The following ANTXR1 variants were observed in gnomAD, a reference collection of about 807,000 sequenced individuals.
ANTXR1 encodes the protein ANTXR cell adhesion molecule 1.
Under a neutral mutation model 78.1 loss-of-function variants are expected in ANTXR1, and 19 were observed. That is an observed-to-expected ratio of 0.24 (90% CI 0.17 to 0.36). The LOEUF is 0.36. ANTXR1 is among the 10% of genes least tolerant of loss of function. The probability of loss-of-function intolerance (pLI) is 1.00; values close to 1 mark genes in which losing one functional copy is unlikely to be tolerated. For synonymous variants in ANTXR1, 273 were observed against 260.5 expected (o/e 1.05, Z -0.46); for missense variants, 518 against 718.6 (o/e 0.72, Z 3.19).
chr2:69,242,044 G>C (rs1050735427), intron 17 of ANTXR1, among the ~76,000 whole-genome samples: 1 of 152,286 alleles, frequency 6.6e-6, no homozygotes, highest in Non-Finnish European at 1.5e-5. Flanking sequence ...CAGCTCTAAA[G>C]GACCAGGTGG....
intron 17 of ANTXR1, among the ~76,000 whole-genome samples, chr2:69,198,131 G>C (rs1674704129): frequency 6.6e-6 from 1 of 152,050 alleles, no homozygotes; most frequent in Non-Finnish European, 1.5e-5. Flanking sequence ...TAGAATAAAA[G>C]GTCCAGCTTT....
At chr2:69,072,966 G>T in intron 5 of ANTXR1, 56 bp from the exon 6 acceptor site, 1 of 1,515,314 alleles carries the variant, frequency 6.6e-7, no homozygotes, top group Non-Finnish European at 9.2e-7. Context: ...GGACTGAGAG[G>T]GTGTTTCCTT....
In ANTXR1 at chr2:69,135,923, A is replaced by G. The variant is rs148770177; in HGVS notation, c.951+11280A>G. ...AGCGTAACATTCAAAATAGGGTCCA[A>G]AGTTTTTTGGTTGCGTACAATGAAG... On this transcript the variant is annotated intron_variant, in intron 12 of 17. Coordinates refer to ENST00000303714, the MANE Select transcript of ANTXR1 (RefSeq NM_032208.3). Among the ~76,000 whole-genome samples the G allele has an allele frequency of 9.4e-3, 1,436 of 152,290 alleles. 12 individuals are homozygous for G. The highest frequency in any genetic ancestry group is 0.015 in the Non-Finnish European group (1,029 of 67,978).
chr2:69,065,622 T>C (rs1296685301), intron 3 of ANTXR1, among the ~76,000 whole-genome samples: 2 of 152,182 alleles, frequency 1.3e-5, no homozygotes, highest in Non-Finnish European at 2.9e-5. Context: ...TGTGTATAAA[T>C]TGTATTTCAC....
In ANTXR1 at chr2:69,077,480, A is replaced by T; in HGVS notation, c.634A>T (p.Ile212Phe). 1 of 1,614,144 alleles carries T rather than the reference A, an allele frequency of 6.2e-7. No homozygotes were observed. The highest frequency in any genetic ancestry group is 8.5e-7 in the Non-Finnish European group (1 of 1,180,018). ...NDGFQALQGI[I>F]HSILKKSCIE... Reference sequence around the variant, plus strand: ...CGGCTTTCAGGCTCTGCAAGGCATCATCCACTCAGTAAGTAGAGCTCTTCC... The same window carrying T: ...CGGCTTTCAGGCTCTGCAAGGCATCTTCCACTCAGTAAGTAGAGCTCTTCC... The change falls in exon 8 of 18, where the codon ATC (isoleucine) becomes TTC (phenylalanine). Residue 212 changes from isoleucine to phenylalanine, a missense_variant. Around this residue, in one of 5 missense-constraint regions of ANTXR1, gnomAD observed 264 missense variants for 391.8 expected, o/e 0.67. Transcript: ENST00000303714.
At chr2:69,159,804 A>G (rs1673628987) in intron 13 of ANTXR1, among the ~76,000 whole-genome samples, 1 of 152,240 alleles carries the variant, frequency 6.6e-6, no homozygotes, top group Non-Finnish European at 1.5e-5. Context: ...CTTTTAATTC[A>G]TTTAATTGAA....
chr2:69,085,628 T>C (rs888121471), intron 8 of ANTXR1, among the ~76,000 whole-genome samples: 1 of 152,124 alleles, frequency 6.6e-6, no homozygotes, highest in Non-Finnish European at 1.5e-5. Context: ...AGGCTAGTCA[T>C]TGTGAATATA....
chr2:69,146,991 A>G (rs1009670481), intron 12 of ANTXR1, among the ~76,000 whole-genome samples: 1 of 152,220 alleles, frequency 6.6e-6, no homozygotes, highest in Non-Finnish European at 1.5e-5. Flanking sequence ...TCTTGGAAGC[A>G]GGTGGCAGTT....
chr2:69,044,169 C>T (rs57740430), intron 2 of ANTXR1, among the ~76,000 whole-genome samples: 8,807 of 152,090 alleles, frequency 0.058, 507 homozygotes, highest in East Asian at 0.23. Context: ...AGTATGACTA[C>T]CAAGTGGAAT....
At chr2:69,210,295 C>T (rs1022121238) in intron 17 of ANTXR1, among the ~76,000 whole-genome samples, 5 of 152,234 alleles carry the variant, frequency 3.3e-5, no homozygotes, top group Non-Finnish European at 7.3e-5. Context: ...CATTATTTAT[C>T]ACCCCTTTGT....
intron 3 of ANTXR1, among the ~76,000 whole-genome samples, chr2:69,045,878 G>A (rs955555154): frequency 6.6e-6 from 1 of 152,042 alleles, no homozygotes; most frequent in Non-Finnish European, 1.5e-5. Flanking sequence ...AGAAACTGAG[G>A]CCATGTCACC....
chr2:69,021,152 G>T (rs1272260217), intron 1 of ANTXR1, among the ~76,000 whole-genome samples: 1 of 152,148 alleles, frequency 6.6e-6, no homozygotes, highest in Non-Finnish European at 1.5e-5. Context: ...TTGCCTGTAT[G>T]ACCCTGTTTA....
intron 8 of ANTXR1, among the ~76,000 whole-genome samples, chr2:69,080,820 A>G (rs954781396): frequency 3.9e-5 from 6 of 152,248 alleles, no homozygotes; most frequent in Non-Finnish European, 8.8e-5. Context: ...GGGCATGGAT[A>G]GAATGTTCTT....
intron 16 of ANTXR1, among the ~76,000 whole-genome samples, chr2:69,185,551 GAAAA>G (rs75084788): frequency 2.2e-5 from 2 of 89,508 alleles, no homozygotes; most frequent in East Asian, 3.3e-4. Context: ...AATAAAAAAA[GAAAA>G]AAAAAAAAAA....
intron 1 of ANTXR1, among the ~76,000 whole-genome samples, chr2:69,033,678 TG>T (rs1212429693): frequency 6.6e-6 from 1 of 152,176 alleles, no homozygotes; most frequent in Admixed American, 6.5e-5. Context: ...TGACTTCAAC[TG>T]GGTGGGGCTA....
At chr2:69,043,536 G>T (rs554021684) in intron 2 of ANTXR1, among the ~76,000 whole-genome samples, 2 of 152,278 alleles carry the variant, frequency 1.3e-5, no homozygotes, top group South Asian at 4.1e-4. Context: ...ACTGAGATCT[G>T]TTTTAGGGAC....
At chr2:69,145,955 A>G in intron 12 of ANTXR1, 1 of 985,554 alleles carries the variant, frequency 1.0e-6, no homozygotes, top group Non-Finnish European at 1.2e-6. Flanking sequence ...ACCTTTGAGA[A>G]CAGTGCCTTC....
chr2:69,124,287 GC>G, intron 11 of ANTXR1, among the ~76,000 whole-genome samples: 4 of 152,308 alleles, frequency 2.6e-5, no homozygotes, highest in Admixed American at 2.6e-4. Flanking sequence ...CCCATTCAAT[GC>G]CACTCACTGC....
intron 1 of ANTXR1, among the ~76,000 whole-genome samples, chr2:69,021,719 G>C (rs1671196360): frequency 6.6e-6 from 1 of 152,188 alleles, no homozygotes; most frequent in Non-Finnish European, 1.5e-5. Context: ...AGCCAGATAT[G>C]GGTGGACAAT....
Sources: gnomAD v4.1 joint callset for allele counts (sites outside exome capture counted in the v4.1 genomes callset) on GRCh38, gnomAD v4.1.1 for gene constraint, gnomAD v4.1.1 regional missense constraint, MANE v1.5 for transcripts, NCBI Gene and HGNC (gene_info 2026-07-23, HGNC 2026-07-21) for gene names.